Variants in FBXO11 observed in about 807,000 individuals in gnomAD.
FBXO11 encodes F-box protein 11.
In FBXO11, 13 loss-of-function variants were observed where a neutral mutation model predicts 117.0. The observed-to-expected ratio is 0.11, with a 90% CI of 0.07 to 0.18. The LOEUF is 0.18. Among genes scored for constraint, FBXO11 ranks in the 10% least tolerant of loss-of-function variants. The probability of loss-of-function intolerance (pLI) is 1.00; values close to 1 mark genes in which losing one functional copy is unlikely to be tolerated. For synonymous variants in FBXO11, 490 were observed against 380.5 expected, an observed-to-expected ratio of 1.29 and a Z score of -3.35; for missense variants, 767 against 1,164.4, an observed-to-expected ratio of 0.66 and a Z score of 4.97.
At chr2:47,844,651 C>G (rs1673270645) in intron 1 of FBXO11, among the ~76,000 whole-genome samples, 1 of 152,080 alleles carries the variant, frequency 6.6e-6, no homozygotes, top group Admixed American at 6.6e-5. Context: ...ATGCGTATTT[C>G]TTTTGTTCGT....
intron 18 of FBXO11, 173 bp downstream of exon 18, chr2:47,813,061 A>C: frequency 1.5e-6 from 1 of 677,590 alleles, no homozygotes; most frequent in Admixed American, 2.5e-5. Flanking sequence ...AAGTATTGTA[A>C]ACATTTGTCT....
intron 1 of FBXO11, among the ~76,000 whole-genome samples, chr2:47,897,701 CAAAAAAAAAA>C (rs60982405): frequency 1.1e-4 from 11 of 103,144 alleles, no homozygotes; most frequent in East Asian, 5.6e-4. Context: ...TGTCTTAAAC[CAAAAAAAAAA>C]AAAAAAAAAA....
rs555592477 is a variant in FBXO11, at chr2:47,807,078, A to C, written c.*1040T>G. 7 of 547,682 alleles carry C rather than the reference A, an allele frequency of 1.3e-5. No individual in the cohort carries two copies. The highest frequency in any genetic ancestry group is 9.7e-5 in the Admixed American group (3 of 30,778). The allele number at this position is 547,682 out of a possible 1,614,324, so 33.9% of individuals were successfully genotyped here. A position where few individuals can be genotyped will look rare whatever the true frequency, so the allele number is the denominator to read the frequency against. ...TGTTATGGTACATGCATACACTTTCAGGCTGTTTTATACCCACTGTCACCA... is the reference window on the plus strand; with the variant it reads ...TGTTATGGTACATGCATACACTTTCCGGCTGTTTTATACCCACTGTCACCA... On this transcript the variant is annotated 3_prime_UTR_variant, in exon 23 of 23. Transcript: ENST00000403359.
chr2:47,826,377 C>T (rs1429880480), intron 11 of FBXO11, among the ~76,000 whole-genome samples: 2 of 152,076 alleles, frequency 1.3e-5, no homozygotes, highest in African/African-American at 4.8e-5. Flanking sequence ...TTTTTTAAGG[C>T]AAATAGCAGC....
At chr2:47,853,835 T>C (rs1334880583) in intron 1 of FBXO11, among the ~76,000 whole-genome samples, 1 of 152,200 alleles carries the variant, frequency 6.6e-6, no homozygotes, top group Non-Finnish European at 1.5e-5. Flanking sequence ...AAATTCCACC[T>C]GGAGGCTTAA....
intron 16 of FBXO11, among the ~76,000 whole-genome samples, chr2:47,817,621 G>C (rs1671092880): frequency 2.0e-5 from 3 of 152,170 alleles, no homozygotes; most frequent in Admixed American, 2.0e-4. Flanking sequence ...TAAAGTGAGA[G>C]ATACGCAACT....
At chr2:47,834,249 T>C (rs973529169) in intron 7 of FBXO11, among the ~76,000 whole-genome samples, 14 of 151,766 alleles carry the variant, frequency 9.2e-5, no homozygotes, top group East Asian at 1.9e-4. Context: ...ACTTGAGAGG[T>C]TGAGGCATGA....
intron 1 of FBXO11, among the ~76,000 whole-genome samples, chr2:47,841,490 A>G (rs1673007935): frequency 6.6e-6 from 1 of 152,190 alleles, no homozygotes; most frequent in African/African-American, 2.4e-5. Flanking sequence ...GTCTGGCCAA[A>G]AACATCAAAC....
At chr2:47,819,310 A>G (rs1671218141) in intron 14 of FBXO11, among the ~76,000 whole-genome samples, 1 of 152,092 alleles carries the variant, frequency 6.6e-6, no homozygotes, top group Non-Finnish European at 1.5e-5. Flanking sequence ...TTCGCCTCCC[A>G]TGTTCAAGCA....
intron 1 of FBXO11, among the ~76,000 whole-genome samples, chr2:47,888,967 A>G (rs1338477522): frequency 6.6e-6 from 1 of 152,230 alleles, no homozygotes; most frequent in African/African-American, 2.4e-5. Flanking sequence ...CATATTTAAT[A>G]TGCTCAATAA....
intron 1 of FBXO11, among the ~76,000 whole-genome samples, chr2:47,868,326 A>C (rs1393016868): frequency 4.6e-5 from 7 of 151,524 alleles, no homozygotes; most frequent in African/African-American, 1.5e-4. Flanking sequence ...ACTATGTGAA[A>C]TCTCTGGAAG....
In FBXO11 at chr2:47,899,619, C is replaced by T. The variant is rs758486707; in HGVS notation, c.232+5870G>A. Among the ~76,000 whole-genome samples, 24 of 152,250 alleles carry T rather than the reference C, an allele frequency of 1.6e-4. 1 individual carries two copies. The East Asian group carries it at 2.9e-3, about 18-fold the overall frequency. On this transcript the variant is annotated intron_variant, in intron 1 of 22. Transcript: ENST00000403359. ...AACCCATATCTAGCTAGCTTTAACTCTGAGCTCTTTACATCATACTGTCTC... is the reference window on the plus strand; with the variant it reads ...AACCCATATCTAGCTAGCTTTAACTTTGAGCTCTTTACATCATACTGTCTC...
chr2:47,858,640 T>G (rs1185238729), intron 1 of FBXO11, among the ~76,000 whole-genome samples: 5 of 133,086 alleles, frequency 3.8e-5, no homozygotes, highest in African/African-American at 1.5e-4. Context: ...TGAAATCATG[T>G]CATTGCTCTC....
Position 47,832,813 on chromosome 2 carries a change from C to T in FBXO11, c.1109G>A (p.Cys370Tyr), listed in dbSNP as rs765320936. The T allele has an allele frequency of 6.2e-7, 1 of 1,613,972 alleles. No individual in the cohort carries two copies. Among genetic ancestry groups the T allele is most frequent in the Non-Finnish European group, 8.5e-7 (1 of 1,179,888 alleles). The change falls in exon 9 of 23, where the codon TGT becomes TAT. Residue 370 changes from cysteine to tyrosine, a missense_variant. Cys to Tyr is a radical substitution (Grantham distance 194). Coordinates refer to ENST00000403359, the MANE Select transcript of FBXO11 (RefSeq NM_001190274.2). The part of the protein sequence containing the change: ...AHHCLEITVN[C>Y]SPIIDHCIIR... Reference sequence around the variant, plus strand: ...GATACAGTGATCAATAATAGGGCTACAATTTACTGTAATCTCTAAGCAGTG... The same window carrying T: ...GATACAGTGATCAATAATAGGGCTATAATTTACTGTAATCTCTAAGCAGTG...
Position 47,905,812 on chromosome 2 carries a change from G to C in FBXO11, c.-92C>G. 9.2e-7 allele frequency: 1 copy of C among 1,092,630 alleles called. No homozygotes were observed. 67.7% of individuals were successfully genotyped at this position (1,092,630 alleles called of 1,614,324 possible). ...GCAGGAGAAAGGGGTGGGGAGAGTGGGAGAGGGGGGAGGAAGGAGAGGGGG... is the reference window on the plus strand; with the variant it reads ...GCAGGAGAAAGGGGTGGGGAGAGTGCGAGAGGGGGGAGGAAGGAGAGGGGG... On this transcript the variant is annotated 5_prime_UTR_variant, in exon 1 of 23. Transcript: ENST00000403359.
At chr2:47,858,825 A>G (rs1032032986) in intron 1 of FBXO11, among the ~76,000 whole-genome samples, 4 of 151,768 alleles carry the variant, frequency 2.6e-5, no homozygotes, top group Non-Finnish European at 4.4e-5. Context: ...CGGTTGGATC[A>G]CGAGGTCAGG....
At chr2:47,900,887 CACGTATATAT>C (rs1678185523) in intron 1 of FBXO11, among the ~76,000 whole-genome samples, 5 of 137,642 alleles carry the variant, frequency 3.6e-5, no homozygotes, top group African/African-American at 1.4e-4. Context: ...TATATATATA[CACGTATATAT>C]ACACACATAT....
intron 1 of FBXO11, among the ~76,000 whole-genome samples, chr2:47,893,178 A>G (rs201293879): frequency 6.6e-6 from 1 of 151,960 alleles, no homozygotes; most frequent in Non-Finnish European, 1.5e-5. Context: ...AAATAAATAA[A>G]TAAATAAATG....
At chr2:47,885,683 G>T (rs545745583) in intron 1 of FBXO11, among the ~76,000 whole-genome samples, 1 of 152,318 alleles carries the variant, frequency 6.6e-6, no homozygotes, top group Admixed American at 6.5e-5. Flanking sequence ...TGTTCCACAG[G>T]TGGTAGAGTA....
Sources: gnomAD v4.1 joint callset for allele counts (sites outside exome capture counted in the v4.1 genomes callset) on GRCh38, gnomAD v4.1.1 for gene constraint, MANE v1.5 for transcripts, NCBI Gene and HGNC (gene_info 2026-07-23, HGNC 2026-07-21) for gene names.